IGSF11: variants seen among roughly 807,000 people sequenced by gnomAD.
IGSF11 encodes the protein CXADR like 1.
In IGSF11, 22 loss-of-function variants were observed where a neutral mutation model predicts 41.0. That is an observed-to-expected ratio of 0.54 (90% CI 0.38 to 0.77). The LOEUF is 0.77. IGSF11 is among the 30% of genes least tolerant of loss of function. IGSF11 has a pLI of 0.00. For synonymous variants in IGSF11, 219 were observed against 201.3 expected (o/e 1.09, Z -0.74); for missense variants, 444 against 530.8 (o/e 0.84, Z 1.61).
chr3:118,959,280 C>T (rs377408330), intron 1 of IGSF11, among the ~76,000 whole-genome samples: 1 of 152,126 alleles, frequency 6.6e-6, no homozygotes, highest in Admixed American at 6.6e-5. Flanking sequence ...AGTAACATTC[C>T]TGATTGAGAT....
intron 1 of IGSF11, among the ~76,000 whole-genome samples, chr3:119,099,871 T>C (rs1182514164): frequency 1.3e-5 from 2 of 152,248 alleles, no homozygotes; most frequent in South Asian, 2.1e-4. Context: ...CAGCAGTAGA[T>C]GCCTGAAACT....
chr3:119,067,651 A>G (rs1942274008), intron 1 of IGSF11, among the ~76,000 whole-genome samples: 5 of 152,126 alleles, frequency 3.3e-5, no homozygotes, highest in Admixed American at 1.3e-4. Flanking sequence ...TTTTTTAGAC[A>G]TGCATCTAAA....
intron 1 of IGSF11, among the ~76,000 whole-genome samples, chr3:119,018,437 C>T (rs756221576): frequency 1.3e-5 from 2 of 152,224 alleles, no homozygotes; most frequent in South Asian, 4.1e-4. Flanking sequence ...CAGACAAAAT[C>T]ACCACAAAGG....
At chr3:118,936,065 G>C (rs1943251937) in intron 1 of IGSF11, among the ~76,000 whole-genome samples, 1 of 152,114 alleles carries the variant, frequency 6.6e-6, no homozygotes. Context: ...GAGTAAGAAG[G>C]AGGGAAATGG....
chr3:119,005,088 T>G (rs895854221), intron 1 of IGSF11, among the ~76,000 whole-genome samples: 91 of 148,210 alleles, frequency 6.1e-4, no homozygotes, highest in Admixed American at 1.5e-3. Flanking sequence ...TTATTAATGT[T>G]TGGGAGTCTA....
chr3:119,022,589 C>A (rs141397651), intron 1 of IGSF11, among the ~76,000 whole-genome samples: 2 of 152,010 alleles, frequency 1.3e-5, no homozygotes, highest in African/African-American at 2.4e-5. Flanking sequence ...AAAGACAATA[C>A]CTAAATGCTA....
intron 1 of IGSF11, among the ~76,000 whole-genome samples, chr3:119,132,119 G>A (rs146249358): frequency 1.0e-3 from 157 of 152,128 alleles, no homozygotes; most frequent in African/African-American, 3.6e-3. Flanking sequence ...AAAGACCATC[G>A]ATGCTATAAA....
At chr3:118,982,185 C>A (rs909898765) in intron 1 of IGSF11, among the ~76,000 whole-genome samples, 1 of 152,158 alleles carries the variant, frequency 6.6e-6, no homozygotes, top group Non-Finnish European at 1.5e-5. Context: ...AGAAGTATCA[C>A]GTAAAGCCAC....
rs139901513 is a variant in IGSF11, at chr3:119,060,262, G to T, written c.49+44882C>A. Among the ~76,000 whole-genome samples the T allele has an allele frequency of 3.6e-3, 548 of 152,218 alleles. 2 individuals carry two copies. Among genetic ancestry groups the T allele is most frequent in the Non-Finnish European group, 6.4e-3 (433 of 68,006 alleles). On this transcript the variant is annotated intron_variant, in intron 1 of 6. Transcript: ENST00000354673. ...GTCTTTCCAGAAAGTTAGAGATATTGATTAACTTATACTTCAAAAGAGGTG... is the reference window on the plus strand; with the variant it reads ...GTCTTTCCAGAAAGTTAGAGATATTTATTAACTTATACTTCAAAAGAGGTG...
intron 1 of IGSF11, among the ~76,000 whole-genome samples, chr3:118,993,566 T>C (rs1935988131): frequency 6.6e-6 from 1 of 152,230 alleles, no homozygotes; most frequent in African/African-American, 2.4e-5. Context: ...TTATAGAATA[T>C]GTGTTCACAG....
At chr3:119,124,170 A>G (rs763458290) in intron 1 of IGSF11, among the ~76,000 whole-genome samples, 1 of 152,024 alleles carries the variant, frequency 6.6e-6, no homozygotes, top group Non-Finnish European at 1.5e-5. Context: ...TCAGAATTCT[A>G]TCACATAAAT....
At chr3:119,068,492 G>A (rs1220197488) in intron 1 of IGSF11, among the ~76,000 whole-genome samples, 1 of 152,130 alleles carries the variant, frequency 6.6e-6, no homozygotes. Context: ...TTGCACAAGA[G>A]AAAAATTATT....
At chr3:119,123,565 T>C (rs984149057) in intron 1 of IGSF11, among the ~76,000 whole-genome samples, 11 of 152,288 alleles carry the variant, frequency 7.2e-5, no homozygotes, top group African/African-American at 2.4e-4. Context: ...CAGTGCTGTA[T>C]TGGCTTCAAG....
At chr3:118,931,971 G>C (rs1942894050) in intron 1 of IGSF11, among the ~76,000 whole-genome samples, 1 of 152,124 alleles carries the variant, frequency 6.6e-6, no homozygotes, top group South Asian at 2.1e-4. Context: ...CTGACCTCGT[G>C]ATCTGGCCAC....
intron 1 of IGSF11, among the ~76,000 whole-genome samples, chr3:119,018,218 T>G (rs1221574234): frequency 2.0e-5 from 3 of 152,234 alleles, no homozygotes; most frequent in African/African-American, 7.2e-5. Flanking sequence ...AAGGCAGAGA[T>G]AGAGGTAAAT....
intron 1 of IGSF11, among the ~76,000 whole-genome samples, chr3:119,075,512 G>C (rs2076479212): frequency 6.6e-6 from 1 of 152,198 alleles, no homozygotes; most frequent in East Asian, 1.9e-4. Flanking sequence ...ACCTAGCAGA[G>C]ACACAACAGC....
chr3:119,103,129 C>T (rs2076964960), intron 1 of IGSF11, among the ~76,000 whole-genome samples: 1 of 151,778 alleles, frequency 6.6e-6, no homozygotes, highest in African/African-American at 2.4e-5. Context: ...TCCCAAGTAG[C>T]TGGGACTACA....
chr3:118,968,497 G>T (rs984512394), intron 1 of IGSF11, among the ~76,000 whole-genome samples: 2 of 152,162 alleles, frequency 1.3e-5, no homozygotes, highest in African/African-American at 4.8e-5. Flanking sequence ...GAACAGGGAA[G>T]GAAACTTATC....
At chr3:119,058,504 G>A (rs147749948) in intron 1 of IGSF11, among the ~76,000 whole-genome samples, 26,188 of 151,632 alleles carry the variant, frequency 0.17, 2,749 homozygotes, top group Non-Finnish European at 0.24. Context: ...GGAGAAATAA[G>A]AACACTTTTA....
Sources: gnomAD v4.1 joint callset for allele counts (sites outside exome capture counted in the v4.1 genomes callset) on GRCh38, gnomAD v4.1.1 for gene constraint, MANE v1.5 for transcripts, NCBI Gene and HGNC (gene_info 2026-07-23, HGNC 2026-07-21) for gene names.